Variants in UPP2 observed in about 807,000 individuals in gnomAD.
The protein encoded by UPP2 is UPase 2.
Under a neutral mutation model 26.7 loss-of-function variants are expected in UPP2, and 23 were observed. That is an observed-to-expected ratio of 0.86 (90% CI 0.62 to 1.22). UPP2 has a LOEUF of 1.22. UPP2 is among the 50% of genes most tolerant of loss of function. The probability of loss-of-function intolerance (pLI) is 0.00; values close to 1 mark genes in which losing one functional copy is unlikely to be tolerated. For synonymous variants in UPP2, 127 were observed against 141.3 expected (o/e 0.90, Z 0.72); for missense variants, 387 against 396.7 (o/e 0.98, Z 0.21).
chr2:158,118,089 G>C (rs1175925444), intron 4 of UPP2, 151 bp downstream of exon 4: 2 of 638,056 alleles, frequency 3.1e-6, no homozygotes, highest in Non-Finnish European at 5.5e-6. Context: ...AAGGAAATCT[G>C]CCCACATTGC....
intron 2 of UPP2, among the ~76,000 whole-genome samples, chr2:158,110,833 A>C (rs1347173312): frequency 6.6e-6 from 1 of 152,164 alleles, no homozygotes; most frequent in African/African-American, 2.4e-5. Flanking sequence ...GTGTCTGTTC[A>C]TATCCTTCGC....
At chr2:158,019,200 C>T (rs533907619) in intron 3 of UPP2, among the ~76,000 whole-genome samples, 213 of 152,206 alleles carry the variant, frequency 1.4e-3, no homozygotes, top group Non-Finnish European at 2.5e-3. Flanking sequence ...AATCAGGAGG[C>T]CTTCCTAGAA....
chr2:158,021,006 A>C (rs547294333), intron 3 of UPP2, among the ~76,000 whole-genome samples: 1 of 152,126 alleles, frequency 6.6e-6, no homozygotes, highest in South Asian at 2.1e-4. Context: ...GCTTGGCTCT[A>C]CTCTAGGATG....
chr2:158,046,167 A>G (rs536485684), intron 3 of UPP2, among the ~76,000 whole-genome samples: 6 of 152,354 alleles, frequency 3.9e-5, no homozygotes, highest in African/African-American at 1.4e-4. Flanking sequence ...TCCAGTGGGT[A>G]GGGCTCATTA....
intron 3 of UPP2, among the ~76,000 whole-genome samples, chr2:158,068,911 A>G (rs1485544115): frequency 1.5e-5 from 2 of 133,754 alleles, no homozygotes. Context: ...TCCACCTCCC[A>G]GGTTCATGCC....
chr2:158,028,729 T>C (rs1405216933), intron 3 of UPP2, among the ~76,000 whole-genome samples: 1 of 152,234 alleles, frequency 6.6e-6, no homozygotes, highest in Non-Finnish European at 1.5e-5. Context: ...TAATTGGACT[T>C]ACAGTTCCAC....
chr2:158,045,619 C>T (rs1684142340), intron 3 of UPP2, among the ~76,000 whole-genome samples: 1 of 152,134 alleles, frequency 6.6e-6, no homozygotes, highest in Non-Finnish European at 1.5e-5. Context: ...GATAAACTTC[C>T]TGATGTTTTA....
chr2:158,066,483 T>A (rs1342065785), intron 3 of UPP2, among the ~76,000 whole-genome samples: 1 of 152,234 alleles, frequency 6.6e-6, no homozygotes, highest in Non-Finnish European at 1.5e-5. Flanking sequence ...TCCCAGGAAC[T>A]ATGAACACTC....
intron 1 of UPP2, among the ~76,000 whole-genome samples, chr2:158,105,842 A>G (rs1683181011): frequency 6.6e-6 from 1 of 152,228 alleles, no homozygotes; most frequent in African/African-American, 2.4e-5. Flanking sequence ...CTAAATTATT[A>G]ATCTTACCCA....
chr2:158,027,133 C>A (rs890833681), intron 3 of UPP2, among the ~76,000 whole-genome samples: 1 of 152,120 alleles, frequency 6.6e-6, no homozygotes, highest in Non-Finnish European at 1.5e-5. Flanking sequence ...ATTTCAAAAC[C>A]AATCATTGCC....
intron 3 of UPP2, among the ~76,000 whole-genome samples, chr2:158,081,363 A>G (rs767982845): frequency 6.6e-6 from 1 of 152,076 alleles, no homozygotes; most frequent in Non-Finnish European, 1.5e-5. Flanking sequence ...ATTTTTTTCT[A>G]TTGAAGGGAA....
At chr2:158,071,216 A>T (rs11691556) in intron 3 of UPP2, among the ~76,000 whole-genome samples, 73,419 of 151,512 alleles carry the variant, frequency 0.48, 18,872 homozygotes, top group African/African-American at 0.6. Context: ...AAGGGAGTGC[A>T]AGCATCATCC....
chr2:158,014,326 A>G (rs1055899332), intron 2 of UPP2, among the ~76,000 whole-genome samples: 10 of 152,180 alleles, frequency 6.6e-5, no homozygotes, highest in African/African-American at 2.4e-4. Context: ...CCTCTCCTAG[A>G]ACAACCCCAG....
chr2:158,054,766 C>T (rs1229591878), intron 3 of UPP2, among the ~76,000 whole-genome samples: 2 of 152,144 alleles, frequency 1.3e-5, no homozygotes. Flanking sequence ...AAATCTTTTT[C>T]CCATTAAAAA....
chr2:158,068,765 A>AATACATATATATATAT (rs1682477832), intron 3 of UPP2, among the ~76,000 whole-genome samples: 1 of 31,700 alleles, frequency 3.2e-5, no homozygotes. Flanking sequence ...TTCAAATTCA[A>AATACATATATATATAT]ATATATATAT....
At chr2:158,045,543 C>T (rs921833609) in intron 3 of UPP2, among the ~76,000 whole-genome samples, 4 of 152,176 alleles carry the variant, frequency 2.6e-5, no homozygotes, top group Non-Finnish European at 4.4e-5. Context: ...AGTCACTTCC[C>T]ATGTTGCCCT....
chr2:158,131,497 T>TG (rs1558943271), intron 6 of UPP2, among the ~76,000 whole-genome samples: 3 of 152,074 alleles, frequency 2.0e-5, no homozygotes, highest in Non-Finnish European at 4.4e-5. Context: ...TATTTTTGTG[T>TG]GAAAAGAGGT....
intron 2 of UPP2, among the ~76,000 whole-genome samples, chr2:158,009,589 C>T (rs1683544692): frequency 6.6e-6 from 1 of 152,216 alleles, no homozygotes; most frequent in Non-Finnish European, 1.5e-5. Flanking sequence ...ACTGGGCTGA[C>T]TTTCAAGCCA....
chr2:158,068,728 A>G (rs370187976), intron 3 of UPP2, among the ~76,000 whole-genome samples: 1 of 136,548 alleles, frequency 7.3e-6, no homozygotes, highest in Non-Finnish European at 1.5e-5. Flanking sequence ...TATGATAAAT[A>G]GAATAGGTAT....
Sources: gnomAD v4.1 joint callset for allele counts (sites outside exome capture counted in the v4.1 genomes callset) on GRCh38, gnomAD v4.1.1 for gene constraint, MANE v1.5 for transcripts, NCBI Gene and HGNC (gene_info 2026-07-23, HGNC 2026-07-21) for gene names.